RIN2: variants seen among roughly 807,000 people sequenced by gnomAD.
The protein encoded by RIN2 is RAB5 interacting protein 2.
RIN2 carries 36 observed loss-of-function variants against 78.0 expected under a neutral mutation model. The observed-to-expected ratio is 0.46, with a 90% confidence interval of 0.35 to 0.61. The LOEUF (loss-of-function observed/expected upper bound fraction) is 0.61, where lower values mean the gene tolerates loss of function less well. Among genes scored for constraint, RIN2 ranks in the 20% least tolerant of loss-of-function variants. The pLI is 0.00. For missense variants in RIN2, 1,087 were observed against 1,159.7 expected (o/e 0.94, Z 0.91); for synonymous variants, 466 against 466.8 (o/e 1.00, Z 0.02).
intron 11 of RIN2, among the ~76,000 whole-genome samples, chr20:19,992,658 A>G (rs1056241720): frequency 1.3e-5 from 2 of 152,374 alleles, no homozygotes; most frequent in Admixed American, 6.5e-5. Context: ...AAGAAAAAAT[A>G]TAACCCCATC....
chr20:19,771,897 ACT>A (rs913587544), intron 1 of RIN2, among the ~76,000 whole-genome samples: 4 of 151,200 alleles, frequency 2.6e-5, no homozygotes, highest in Non-Finnish European at 4.4e-5. Flanking sequence ...TGCCCTCCTC[ACT>A]CTCTCGTTAT....
At chr20:19,865,955 G>A (rs1179003275) in intron 2 of RIN2, among the ~76,000 whole-genome samples, 3 of 152,124 alleles carry the variant, frequency 2.0e-5, no homozygotes, top group Non-Finnish European at 4.4e-5. Context: ...CCGGGGTTGT[G>A]TGAGGGATGG....
chr20:19,857,149 C>T (rs1177853408), intron 2 of RIN2, among the ~76,000 whole-genome samples: 1 of 152,054 alleles, frequency 6.6e-6, no homozygotes, highest in African/African-American at 2.4e-5. Flanking sequence ...AACAAGAATA[C>T]CCATTATTCT....
chr20:19,995,311 G>T (rs573946617), intron 11 of RIN2, among the ~76,000 whole-genome samples: 175 of 151,454 alleles, frequency 1.2e-3, no homozygotes, highest in Non-Finnish European at 1.6e-3. Flanking sequence ...GGAGAGTGGG[G>T]ACTCAGATTC....
chr20:19,916,439 C>T (rs770460453), intron 3 of RIN2, among the ~76,000 whole-genome samples: 13 of 151,942 alleles, frequency 8.6e-5, no homozygotes, highest in Admixed American at 2.0e-4. Context: ...GACAAACTAG[C>T]GAGATTCCAT....
chr20:19,972,106 A>G (rs913653278), intron 8 of RIN2, among the ~76,000 whole-genome samples: 2 of 152,094 alleles, frequency 1.3e-5, no homozygotes, highest in Non-Finnish European at 2.9e-5. Flanking sequence ...TGATGGCAAG[A>G]CTGGGTAATG....
intron 3 of RIN2, among the ~76,000 whole-genome samples, chr20:19,904,241 ATAT>A (rs201412607): frequency 0.39 from 46,650 of 119,470 alleles, 8,975 homozygotes; most frequent in South Asian, 0.54. Flanking sequence ...CAAAAAAAAA[ATAT>A]ATATATATAT....
chr20:19,946,431 C>A (rs1374164524), intron 4 of RIN2, among the ~76,000 whole-genome samples: 1 of 152,118 alleles, frequency 6.6e-6, no homozygotes, highest in African/African-American at 2.4e-5. Flanking sequence ...GATGATCTTC[C>A]CAGGCCGGCG....
chr20:19,864,221 G>A (rs766250346), intron 2 of RIN2, among the ~76,000 whole-genome samples: 36 of 152,114 alleles, frequency 2.4e-4, no homozygotes, highest in Non-Finnish European at 4.6e-4. Context: ...ATCCTGGGTG[G>A]CACTGTTTAG....
intron 2 of RIN2, among the ~76,000 whole-genome samples, chr20:19,883,162 C>T (rs2038078132): frequency 6.6e-6 from 1 of 152,104 alleles, no homozygotes. Context: ...GTCCATCAGC[C>T]CTGAGGCCTG....
intron 9 of RIN2, among the ~76,000 whole-genome samples, chr20:19,976,034 T>C (rs2042269484): frequency 6.6e-6 from 1 of 152,188 alleles, no homozygotes; most frequent in Non-Finnish European, 1.5e-5. Flanking sequence ...AGTTTGGTCC[T>C]CTGTGGGTCC....
chr20:19,943,649 T>C (rs1343587455), intron 4 of RIN2, among the ~76,000 whole-genome samples: 1 of 152,208 alleles, frequency 6.6e-6, no homozygotes, highest in Non-Finnish European at 1.5e-5. Flanking sequence ...GTCGGAAAAC[T>C]GGACCTAGGA....
chr20:19,882,321 A>G (rs1000934552), intron 2 of RIN2, among the ~76,000 whole-genome samples: 7 of 152,226 alleles, frequency 4.6e-5, no homozygotes, highest in Non-Finnish European at 8.8e-5. Context: ...AATCTTTTTG[A>G]TCAATCATGT....
At chr20:19,800,633 A>G (rs2035212115) in intron 2 of RIN2, among the ~76,000 whole-genome samples, 1 of 152,132 alleles carries the variant, frequency 6.6e-6, no homozygotes, top group South Asian at 2.1e-4. Context: ...CTGACATGGG[A>G]CTTAGAAGGC....
intron 2 of RIN2, among the ~76,000 whole-genome samples, chr20:19,827,870 G>A (rs562882115): frequency 4.0e-4 from 60 of 150,610 alleles, no homozygotes; most frequent in Admixed American, 1.1e-3. Context: ...CTTTAAAAAG[G>A]TATTTTATGG....
At position 19,935,184 on chromosome 20, in the gene RIN2, C is replaced by A; in HGVS notation, c.143C>A (p.Pro48His). The change falls in exon 4 of 13, where the codon CCC becomes CAC. Residue 48 changes from proline (P) to histidine (H), a missense_variant. Pro to His is a moderately conservative substitution (Grantham distance 77, BLOSUM62 -2). Transcript: ENST00000255006. ...GTCAACCTGGAAAATGGCCTGGAAC[C>A]CGCTGAAACCCACAGGTGACCAGAG... The part of the protein sequence containing the change: ...TDVNLENGLE[P>H]AETHSMVRHK... The A allele has an allele frequency of 6.3e-7, 1 of 1,599,370 alleles. No individual in the cohort carries two copies. The highest frequency in any genetic ancestry group is 1.1e-5 in the South Asian group (1 of 88,238).
At chr20:19,828,741 A>C (rs1195440855) in intron 2 of RIN2, among the ~76,000 whole-genome samples, 1 of 152,194 alleles carries the variant, frequency 6.6e-6, no homozygotes, top group African/African-American at 2.4e-5. Context: ...TCTTGGTTGC[A>C]TTCTAACCGA....
chr20:19,916,967 C>T (rs1046585490), intron 3 of RIN2, among the ~76,000 whole-genome samples: 11 of 151,812 alleles, frequency 7.2e-5, no homozygotes, highest in African/African-American at 1.7e-4. Context: ...AAGCAGTGGG[C>T]GCAGGAAAAG....
intron 2 of RIN2, among the ~76,000 whole-genome samples, chr20:19,811,589 G>A (rs2035600823): frequency 6.6e-6 from 1 of 152,088 alleles, no homozygotes; most frequent in African/African-American, 2.4e-5. Context: ...AGATTTTGAG[G>A]CAAGGAACTA....
Sources: allele counts gnomAD v4.1 joint callset (sites outside exome capture counted in the v4.1 genomes callset), GRCh38; gene constraint gnomAD v4.1.1; transcripts MANE v1.5; gene names NCBI Gene and HGNC (gene_info 2026-07-23, HGNC 2026-07-21).